Variants in NFIX observed in about 807,000 individuals in gnomAD.
NFIX encodes nuclear factor I X.
NFIX carries 2 observed loss-of-function variants against 53.3 expected under a neutral mutation model. That is an observed-to-expected ratio of 0.04 (90% CI 0.02 to 0.12). The LOEUF (loss-of-function observed/expected upper bound fraction) is 0.12. NFIX is among the 10% of genes least tolerant of loss of function. NFIX has a pLI of 1.00. For missense variants in NFIX, 310 were observed against 674.5 expected (o/e 0.46, Z 5.99); for synonymous variants, 244 against 289.0 (o/e 0.84, Z 1.58).
At chr19:13,070,157 A>G (rs1185901116) in intron 2 of NFIX, 2 of 152,210 alleles carry the variant, frequency 1.3e-5, no homozygotes, top group African/African-American at 2.4e-5. Flanking sequence ...CCCTTTCACC[A>G]TGGACCTAGT....
At chr19:12,995,942 C>A in intron 1 of NFIX, 78 bp downstream of exon 1, 1 of 589,458 alleles carries the variant, frequency 1.7e-6, no homozygotes, top group East Asian at 1.5e-4. Context: ...GCGGAGGGGA[C>A]GCGCGGCGGC....
At position 13,094,659 on chromosome 19, in the gene NFIX, C is replaced by CA; in HGVS notation, c.*14dup. On this transcript the variant is annotated 3_prime_UTR_variant, in exon 11 of 11. Coordinates refer to ENST00000592199, the MANE Select transcript of NFIX (RefSeq NM_001365902.3). The surrounding 1 kb of genome is among the most constrained non-coding windows in gnomAD (Gnocchi z 4.3). Reference sequence around the variant, plus strand: ...GTCCTGGTTCCTCTGATAAGATCGACAAAAGAAACAACAAAATGAGAAGAA... The same window carrying CA: ...GTCCTGGTTCCTCTGATAAGATCGACAAAAAGAAACAACAAAATGAGAAGAA... 1 of 1,535,582 alleles carries CA rather than the reference C, an allele frequency of 6.5e-7. No individual in the cohort carries two copies. The highest frequency in any genetic ancestry group is 8.7e-7 in the Non-Finnish European group (1 of 1,146,540).
At chr19:13,015,475 C>T (rs929707837) in intron 1 of NFIX, among the ~76,000 whole-genome samples, 9 of 152,226 alleles carry the variant, frequency 5.9e-5, no homozygotes, top group East Asian at 1.9e-4. Flanking sequence ...TTCTACTCCC[C>T]TCACCTTCCT....
Position 13,006,081 on chromosome 19 carries a change from C to A in NFIX, c.27+10217C>A, listed in dbSNP as rs1367869192. 6.6e-6 allele frequency among the ~76,000 whole-genome samples: 1 copy of A among 152,218 alleles called. No homozygotes were observed. Among genetic ancestry groups the A allele is most frequent in the Non-Finnish European group, 1.5e-5 (1 of 68,038 alleles). On this transcript the variant is annotated intron_variant, in intron 1 of 10. Transcript: ENST00000592199. This position sits in a 1 kb window ranked among gnomAD's most constrained non-coding sequence, Gnocchi z 5.6. ...GAGCAAAATCTGCAAAGATGCCAGCCCCGGTGGGAGGGCAGACTGTGAATC... is the reference window on the plus strand; with the variant it reads ...GAGCAAAATCTGCAAAGATGCCAGCACCGGTGGGAGGGCAGACTGTGAATC...
intron 2 of NFIX, among the ~76,000 whole-genome samples, chr19:13,038,763 C>T (rs1378242999): frequency 2.6e-5 from 4 of 152,196 alleles, no homozygotes; most frequent in African/African-American, 4.8e-5. Context: ...CTGCTGGCCT[C>T]GGACAGGGCC....
rs375829030 is a variant in NFIX, at chr19:13,090,455, T to G, written c.1494+65T>G. 54 of 1,468,734 alleles carry G rather than the reference T, an allele frequency of 3.7e-5. 3 individuals are homozygous for G. The highest frequency in any genetic ancestry group is 3.0e-4 in the African/African-American group (22 of 72,156). The allele number at this position is 1,468,734 out of a possible 1,614,324, so 91.0% of individuals were successfully genotyped here. A position where few individuals can be genotyped will look rare whatever the true frequency, so the allele number is the denominator to read the frequency against. ...GGAGTAGTCAGGGTTGGGGGGCATC[T>G]TGGTGTTAGGGAAGAGCCTGGAGTC... is the stretch of plus-strand genomic sequence containing the variant. On this transcript the variant is annotated intron_variant, in intron 10 of 10. Coordinates refer to ENST00000592199, the MANE Select transcript of NFIX (RefSeq NM_001365902.3). This position sits in a 1 kb window ranked among gnomAD's most constrained non-coding sequence, Gnocchi z 6.6.
In NFIX at chr19:13,002,405, G is replaced by A. The variant is rs2011760427; in HGVS notation, c.27+6541G>A. 6.6e-6 allele frequency among the ~76,000 whole-genome samples: 1 copy of A among 152,070 alleles called. No homozygotes were observed. ...TTCCTCACCACCTCCCCCCTCCCGA[G>A]GAGCCCCTCTGAGGGCGGGAGTGGC... On this transcript the variant is annotated intron_variant, in intron 1 of 10. Coordinates refer to ENST00000592199, the MANE Select transcript of NFIX (RefSeq NM_001365902.3). The surrounding 1 kb of genome is among the most constrained non-coding windows in gnomAD (Gnocchi z 6.1).
intron 2 of NFIX, among the ~76,000 whole-genome samples, chr19:13,056,671 G>C (rs1382719311): frequency 6.6e-6 from 1 of 152,230 alleles, no homozygotes; most frequent in Non-Finnish European, 1.5e-5. Flanking sequence ...TGAAAACCTG[G>C]CTTAGCTACA....
chr19:13,081,597 G>A lies in NFIX; in HGVS notation c.1079-83G>A, dbSNP rs930209289. 18 of 1,440,814 alleles carry A rather than the reference G, an allele frequency of 1.2e-5. No homozygotes were observed. The highest frequency in any genetic ancestry group is 3.9e-5 in the South Asian group (3 of 76,100). 89.3% of individuals were successfully genotyped at this position (1,440,814 alleles called of 1,614,324 possible). A position where few individuals can be genotyped will look rare whatever the true frequency, so the allele number is the denominator to read the frequency against. On this transcript the variant is annotated intron_variant, in intron 7 of 10. Transcript: ENST00000592199. The surrounding 1 kb of genome is among the most constrained non-coding windows in gnomAD (Gnocchi z 4.7). Reference sequence around the variant, plus strand: ...TCAGGATCCTCAGGACCCTCTGACCGGCAGCTCCCCTCCTCTCCTGTCCCT... The same window carrying A: ...TCAGGATCCTCAGGACCCTCTGACCAGCAGCTCCCCTCCTCTCCTGTCCCT...
At chr19:12,999,069 C>T (rs376975293) in intron 1 of NFIX, among the ~76,000 whole-genome samples, 11 of 152,182 alleles carry the variant, frequency 7.2e-5, no homozygotes, top group Non-Finnish European at 1.6e-4. Context: ...CACACATGCT[C>T]ACATGGACCC....
At position 13,022,583 on chromosome 19, in the gene NFIX, C is replaced by A. The variant is rs2012998041; in HGVS notation, c.28-2438C>A. On this transcript the variant is annotated intron_variant, in intron 1 of 10. Transcript: ENST00000592199. The surrounding 1 kb of genome is among the most constrained non-coding windows in gnomAD (Gnocchi z 4.5). ...GAAAACTTCCACTCGCCCCTGTGTGCTCCATAGGAAGAAAAAAAAAAAGAA... is the reference window on the plus strand; with the variant it reads ...GAAAACTTCCACTCGCCCCTGTGTGATCCATAGGAAGAAAAAAAAAAAGAA... 6.6e-6 allele frequency among the ~76,000 whole-genome samples: 1 copy of A among 151,134 alleles called. No homozygotes were observed. The highest frequency in any genetic ancestry group is 6.6e-5 in the Admixed American group (1 of 15,200).
At chr19:13,084,872 C>G (rs2017680705) in intron 8 of NFIX, among the ~76,000 whole-genome samples, 1 of 151,956 alleles carries the variant, frequency 6.6e-6, no homozygotes, top group South Asian at 2.1e-4. Context: ...GAGTTCGAGA[C>G]CAGCCTGACC....
chr19:13,031,668 C>T (rs2013820879), intron 2 of NFIX, among the ~76,000 whole-genome samples: 1 of 152,168 alleles, frequency 6.6e-6, no homozygotes, highest in Non-Finnish European at 1.5e-5. Context: ...AGGCGTGAAC[C>T]TGCAGTGACC....
intron 1 of NFIX, chr19:13,023,937 T>TCCA: frequency 8.1e-6 from 2 of 247,762 alleles, no homozygotes; most frequent in Non-Finnish European, 7.5e-6. Flanking sequence ...CTGCTCCTCC[T>TCCA]CCTCCCCCCT....
At position 13,013,811 on chromosome 19, in the gene NFIX, T is replaced by G. The variant is rs1599720430; in HGVS notation, c.28-11210T>G. On this transcript the variant is annotated intron_variant, in intron 1 of 10. Coordinates refer to ENST00000592199, the MANE Select transcript of NFIX (RefSeq NM_001365902.3). This position sits in a 1 kb window ranked among gnomAD's most constrained non-coding sequence, Gnocchi z 5.9. ...GCCTCGCCTGTCCCGCGACTGAGCT[T>G]GCGGTCGCCCCGATTCTCTAGTAGA... 2 of 152,190 alleles carry G rather than the reference T, an allele frequency of 1.3e-5. No individual in the cohort carries two copies. Among genetic ancestry groups the G allele is most frequent in the African/African-American group, 2.4e-5 (1 of 41,440 alleles). 9.4% of individuals were successfully genotyped at this position (152,190 alleles called of 1,614,324 possible).
intron 1 of NFIX, among the ~76,000 whole-genome samples, chr19:13,004,963 T>G (rs943331448): frequency 3.3e-5 from 5 of 152,120 alleles, no homozygotes; most frequent in Non-Finnish European, 7.4e-5. Context: ...ATTACAGATG[T>G]GCACTATCAC....
chr19:13,088,154 C>G lies in NFIX; in HGVS notation c.1402+18C>G, dbSNP rs933255169. On this transcript the variant is annotated intron_variant, in intron 9 of 10. Coordinates refer to ENST00000592199, the MANE Select transcript of NFIX (RefSeq NM_001365902.3). This position sits in a 1 kb window ranked among gnomAD's most constrained non-coding sequence, Gnocchi z 5.9. The stretch of plus-strand genomic sequence containing the variant: ...ATCACCTTGTAAGTGGACGATGAAA[C>G]CGAAACCACAACGCCCAGCGTCCCC... The G allele has an allele frequency of 2.6e-6, 4 of 1,536,214 alleles. No homozygotes were observed. The South Asian group carries it at 3.6e-5, about 14-fold the overall frequency.
chr19:13,082,105 C>T (rs1413669222), intron 8 of NFIX: 1 of 518,192 alleles, frequency 1.9e-6, no homozygotes, highest in South Asian at 2.9e-5. Flanking sequence ...CAGTCAGGCT[C>T]CTTGCCTTTC....
chr19:12,997,758 G>C (rs2011521494), intron 1 of NFIX, among the ~76,000 whole-genome samples: 1 of 152,216 alleles, frequency 6.6e-6, no homozygotes, highest in African/African-American at 2.4e-5. Flanking sequence ...CAGCCCCTCA[G>C]ATTTCACAGC....
Sources: gnomAD v4.1 joint callset for allele counts (sites outside exome capture counted in the v4.1 genomes callset) on GRCh38, gnomAD v4.1.1 for gene constraint, Gnocchi (gnomAD v3.1) non-coding constraint, MANE v1.5 for transcripts, NCBI Gene and HGNC (gene_info 2026-07-23, HGNC 2026-07-21) for gene names.